NAT14: variants seen among roughly 807,000 people sequenced by gnomAD.
NAT14 encodes N-acetyltransferase 14 (putative), also known as probable N-acetyltransferase 14.
Under a neutral mutation model 12.1 loss-of-function variants are expected in NAT14, and 14 were observed. That is an observed-to-expected ratio of 1.16 (90% CI 0.76 to 1.81). The LOEUF is 1.81. Ranked by LOEUF, NAT14 falls within the 40% of genes most tolerant of loss-of-function variation. The pLI is 0.00. For synonymous variants in NAT14, 156 were observed against 145.1 expected, an observed-to-expected ratio of 1.08 and a Z score of -0.54; for missense variants, 341 against 304.3, an observed-to-expected ratio of 1.12 and a Z score of -0.90.
intron 2 of NAT14, chr19:55,486,159 C>A: frequency 3.4e-6 from 2 of 581,014 alleles, no homozygotes; most frequent in Non-Finnish European, 5.9e-6. Context: ...GTCCTTACTT[C>A]CCTGGGGCCT....
Position 55,486,596 on chromosome 19 carries a change from GC to G in NAT14, c.262del (p.Leu88CysfsTer112). The stretch of plus-strand genomic sequence containing the variant: ...TGGGCCTGCGGGCCCGATGGGGCTC[GC>G]TGCCTCCGCCGGGTGGCCTGGGGGG... The part of the protein sequence containing the change: ...KLGLRARWGS[L>X]PPPGGLGGPW... On this transcript the variant is annotated frameshift_variant, in exon 3 of 3. Transcript: ENST00000205194. LOFTEE classifies it high-confidence loss of function. The G allele has an allele frequency of 6.4e-7, 1 of 1,559,888 alleles. No homozygotes were observed. The highest frequency in any genetic ancestry group is 1.4e-5 in the African/African-American group (1 of 71,986).
At position 55,487,223 on chromosome 19, in the gene NAT14, C is replaced by T; in HGVS notation, c.*267C>T. ...GCCTCTCGAGGTCAGCCTCTCCAAC[C>T]CCTACCTCAGCTCCTGTCTGCACTG... is the stretch of plus-strand genomic sequence containing the variant. On this transcript the variant is annotated 3_prime_UTR_variant, in exon 3 of 3. Transcript: ENST00000205194. 1.9e-6 allele frequency: 1 copy of T among 535,928 alleles called. No individual in the cohort carries two copies. 33.2% of individuals were successfully genotyped at this position (535,928 alleles called of 1,614,324 possible). A position where few individuals can be genotyped will look rare whatever the true frequency, so the allele number is the denominator to read the frequency against.
chr19:55,486,246 A>G, intron 2 of NAT14, 162 bp from the exon 3 acceptor site: 1 of 954,414 alleles, frequency 1.0e-6, no homozygotes, highest in Non-Finnish European at 1.4e-6. Context: ...GCTCTCGTTC[A>G]TTCATTCACT....
rs1361227604 is a variant in NAT14 at position 55,485,760 on chromosome 19, C to T, written c.52C>T (p.Leu18=). The T allele has an allele frequency of 2.6e-5, 40 of 1,550,884 alleles. No homozygotes were observed. Among genetic ancestry groups the T allele is most frequent in the Non-Finnish European group, 3.3e-5 (38 of 1,146,568 alleles). Residue 18 remains leucine, a synonymous_variant, in exon 2 of 3, where the codon CTG becomes TTG. Transcript: ENST00000205194. ...GGAGATGAGGGAAGATGAGAAGCCC[C>T]TGGTGCTGGAGATGCTGAAGGTGAG... ...VREMREDEKP[L]VLEMLKAGVK... is the part of the protein sequence containing the mutation.
Position 55,486,596 on chromosome 19 carries a change from G to A in NAT14, c.261G>A (p.Ser87=), listed in dbSNP as rs748675765. 3.2e-6 allele frequency: 5 copies of A among 1,559,884 alleles called. No individual in the cohort carries two copies. Among genetic ancestry groups the A allele is most frequent in the Non-Finnish European group, 4.3e-6 (5 of 1,163,072 alleles). ...TGGGCCTGCGGGCCCGATGGGGCTC[G>A]CTGCCTCCGCCGGGTGGCCTGGGGG... ...VKLGLRARWG[S]LPPPGGLGGP... Residue 87 remains serine (S), a synonymous_variant, in exon 3 of 3, where the codon TCG becomes TCA. Transcript: ENST00000205194.
chr19:55,486,344 C>T (rs1986910831), intron 2 of NAT14, 64 bp from the exon 3 acceptor site: 1 of 1,396,424 alleles, frequency 7.2e-7, no homozygotes, highest in Non-Finnish European at 9.3e-7. Flanking sequence ...GCAGGGTCTA[C>T]CTCCTCTCTT....
chr19:55,486,403 C>G lies in NAT14; in HGVS notation c.73-5C>G. 1.3e-5 allele frequency: 19 copies of G among 1,448,952 alleles called. No individual in the cohort carries two copies. The highest frequency in any genetic ancestry group is 1.7e-5 in the Non-Finnish European group (19 of 1,106,772). 89.8% of individuals were successfully genotyped at this position (1,448,952 alleles called of 1,614,324 possible). ...GGATGGCTGAGCCACCCCTCCTGCCCACAGGCCGGCGTGAAGGACACGGAA... is the reference window on the plus strand; with the variant it reads ...GGATGGCTGAGCCACCCCTCCTGCCGACAGGCCGGCGTGAAGGACACGGAA... On this transcript the variant is annotated splice_region_variant and splice_polypyrimidine_tract_variant and intron_variant, in intron 2 of 2. Transcript: ENST00000205194.
chr19:55,486,219 T>TCATC (rs1986908430), intron 2 of NAT14, 189 bp from the exon 3 acceptor site: 5 of 744,960 alleles, frequency 6.7e-6, no homozygotes, highest in Non-Finnish European at 1.0e-5. Flanking sequence ...CCTAATTCAC[T>TCATC]CATCCATCCA....
At position 55,486,657 on chromosome 19, in the gene NAT14, T is replaced by C; in HGVS notation, c.322T>C (p.Cys108Arg). Residue 108 changes from cysteine to arginine, a missense_variant, in exon 3 of 3, where the codon TGT becomes CGT. Transcript: ENST00000205194. ...GGCCGTGCGGGGCTCCGGTGACGTG[T>C]GTGGGGTCCTGGCTCTGGCCCCTGG... ...WVAVRGSGDV[C>R]GVLALAPGTN... 6.7e-7 allele frequency: 1 copy of C among 1,485,042 alleles called. No homozygotes were observed. Among genetic ancestry groups the C allele is most frequent in the Non-Finnish European group, 8.9e-7 (1 of 1,128,884 alleles). 92.0% of individuals were successfully genotyped at this position (1,485,042 alleles called of 1,614,324 possible).
rs1170569949 is a variant in NAT14 at position 55,486,666 on chromosome 19, C to G, written c.331C>G (p.Leu111Val). 6.8e-7 allele frequency: 1 copy of G among 1,469,268 alleles called. No homozygotes were observed. The highest frequency in any genetic ancestry group is 2.6e-5 in the Admixed American group (1 of 39,190). The allele number at this position is 1,469,268 out of a possible 1,614,324, so 91.0% of individuals were successfully genotyped here. ...VRGSGDVCGVLALAPGTNAGD... is the reference protein window; with the variant it reads ...VRGSGDVCGVVALAPGTNAGD... ...GGGCTCCGGTGACGTGTGTGGGGTC[C>G]TGGCTCTGGCCCCTGGCACAAATGC... The change falls in exon 3 of 3, where the codon CTG becomes GTG. Residue 111 changes from leucine to valine, a missense_variant. Leu to Val is a conservative substitution (Grantham distance 32, BLOSUM62 1). Transcript: ENST00000205194.
chr19:55,486,738 C>T lies in NAT14; in HGVS notation c.403C>T (p.Arg135Cys). 2.1e-6 allele frequency: 3 copies of T among 1,413,850 alleles called. No individual in the cohort carries two copies. The highest frequency in any genetic ancestry group is 2.7e-6 in the Non-Finnish European group (3 of 1,095,394). The allele number at this position is 1,413,850 out of a possible 1,614,324, so 87.6% of individuals were successfully genotyped here. A position where few individuals can be genotyped will look rare whatever the true frequency, so the allele number is the denominator to read the frequency against. Reference sequence around the variant, plus strand: ...CCGCCTGTCTGTCTCTCGCTGGCACCGCCGCCGGGGCGTGGGCAGGAGGCT... The same window carrying T: ...CCGCCTGTCTGTCTCTCGCTGGCACTGCCGCCGGGGCGTGGGCAGGAGGCT... ...VTRLSVSRWH[R>C]RRGVGRRLLA... is the part of the protein sequence containing the mutation. Residue 135 changes from arginine to cysteine, a missense_variant, in exon 3 of 3, where the codon CGC becomes TGC. By Grantham distance (180) the Arg-to-Cys change is radical (BLOSUM62 -3). Coordinates refer to ENST00000205194, the MANE Select transcript of NAT14 (RefSeq NM_020378.4).
intron 2 of NAT14, 89 bp from the exon 3 acceptor site, chr19:55,486,319 C>G: frequency 7.2e-7 from 1 of 1,384,242 alleles, no homozygotes; most frequent in East Asian, 2.9e-5. Context: ...TTTGGGAGCT[C>G]TCACCCCGCC....
intron 1 of NAT14, 118 bp from the exon 2 acceptor site, chr19:55,485,543 G>A: frequency 1.7e-6 from 1 of 595,656 alleles, no homozygotes; most frequent in South Asian, 2.2e-5. Context: ...CTCGCTTGGG[G>A]GCCCCGAGGG....
In NAT14 at chr19:55,487,112, C is replaced by T; in HGVS notation, c.*156C>T. The T allele has an allele frequency of 1.8e-6, 2 of 1,140,158 alleles. No homozygotes were observed. Among genetic ancestry groups the T allele is most frequent in the Non-Finnish European group, 2.4e-6 (2 of 843,350 alleles). The allele number at this position is 1,140,158 out of a possible 1,614,324, so 70.6% of individuals were successfully genotyped here. A position where few individuals can be genotyped will look rare whatever the true frequency, so the allele number is the denominator to read the frequency against. On this transcript the variant is annotated 3_prime_UTR_variant, in exon 3 of 3. Coordinates refer to ENST00000205194, the MANE Select transcript of NAT14 (RefSeq NM_020378.4). Reference sequence around the variant, plus strand: ...GGCCTGCCGAGGGGAGGAGCCTGGCCTCTGTCCACCCGTCAGCAGTGTGAA... The same window carrying T: ...GGCCTGCCGAGGGGAGGAGCCTGGCTTCTGTCCACCCGTCAGCAGTGTGAA...
intron 1 of NAT14, 36 bp from the exon 2 acceptor site, chr19:55,485,598 CCTCGGGGGAGCTTTGGGGACAGAGGTG>C (rs1458677744): frequency 9.0e-6 from 8 of 891,724 alleles, no homozygotes; most frequent in Non-Finnish European, 1.4e-5. Flanking sequence ...GCTCCCTACC[CCTCGGGGGAGCTTTGGGGACAGAGGTG>C]CCCCCCTGAC....
In NAT14 at chr19:55,486,494, C is replaced by A. The variant is rs757562384; in HGVS notation, c.159C>A (p.Ser53Arg). The A allele has an allele frequency of 5.1e-6, 8 of 1,569,236 alleles. No individual in the cohort carries two copies. Reference protein sequence around the residue: ...PALLLLAAASSGLRFVLASFA... With the variant: ...PALLLLAAASRGLRFVLASFA... ...TGCTCCTCCTGGCGGCGGCCAGCAG[C>A]GGCCTGCGCTTTGTCCTGGCTTCCT... is the stretch of plus-strand genomic sequence containing the variant. Residue 53 changes from serine to arginine, a missense_variant, in exon 3 of 3, where the codon AGC becomes AGA. Transcript: ENST00000205194.
rs1364142273 is a variant in NAT14, at chr19:55,486,560, C to T, written c.225C>T (p.Ala75=). The T allele has an allele frequency of 9.5e-6, 15 of 1,586,482 alleles. No individual in the cohort carries two copies. Among genetic ancestry groups the T allele is most frequent in the Admixed American group, 1.7e-5 (1 of 58,702 alleles). Residue 75 remains alanine, a synonymous_variant, in exon 3 of 3, where the codon GCC becomes GCT. Transcript: ENST00000205194. ...ALLLPVFLAV[A]AVKLGLRARW... ...TCCTGCCGGTGTTCCTGGCTGTGGC[C>T]GCCGTGAAGCTGGGCCTGCGGGCCC...
In NAT14 at chr19:55,486,789, C is replaced by T. The variant is rs1036986588; in HGVS notation, c.454C>T (p.Arg152Trp). The change falls in exon 3 of 3, where the codon CGG (arginine) becomes TGG (tryptophan). Residue 152 changes from arginine (R) to tryptophan (W), a missense_variant. Transcript: ENST00000205194. Reference protein sequence around the residue: ...RLLAFAEARARAWAGGMGEPR... With the variant: ...RLLAFAEARAWAWAGGMGEPR... ...GCTGGCCTTCGCGGAGGCCCGGGCT[C>T]GGGCCTGGGCTGGGGGCATGGGGGA... The T allele has an allele frequency of 4.2e-6, 6 of 1,433,594 alleles. No individual in the cohort carries two copies. The highest frequency in any genetic ancestry group is 2.4e-4 in the Middle Eastern group (1 of 4,176). 88.8% of individuals were successfully genotyped at this position (1,433,594 alleles called of 1,614,324 possible).
intron 2 of NAT14, chr19:55,485,994 G>A (rs951712712): frequency 1.5e-5 from 9 of 600,252 alleles, no homozygotes; most frequent in Non-Finnish European, 2.4e-5. Flanking sequence ...CAGCACCAAC[G>A]CCCTCCCTGG....
Sources: allele counts gnomAD v4.1 joint callset, GRCh38; gene constraint gnomAD v4.1.1; transcripts MANE v1.5; gene names NCBI Gene and HGNC (gene_info 2026-07-23, HGNC 2026-07-21).